Variants in CMTR2 observed in about 807,000 individuals in gnomAD.
CMTR2 encodes the protein cap methyltransferase 2.
In CMTR2, 40 loss-of-function variants were observed where a neutral mutation model predicts 49.8. That is an observed-to-expected ratio of 0.80 (90% CI 0.62 to 1.04). The LOEUF (loss-of-function observed/expected upper bound fraction) is 1.04. Among genes scored for constraint, CMTR2 ranks in the 50% least tolerant of loss-of-function variants. CMTR2 has a pLI of 0.00. For synonymous variants in CMTR2, 326 were observed against 315.8 expected (o/e 1.03, Z -0.34); for missense variants, 907 against 897.2 (o/e 1.01, Z -0.14).
Position 71,288,910 on chromosome 16 carries a change from T to G in CMTR2, c.-52A>C, listed in dbSNP as rs1343801283. ...CTGACACTTATAAAGGAGTTCCAAG[T>G]GCTTCCGCCAACTCCTCCTACCAGC... On this transcript the variant is annotated 5_prime_UTR_variant, in exon 2 of 3. Transcript: ENST00000434935. 1 of 152,258 alleles carries G rather than the reference T, an allele frequency of 6.6e-6. No individual in the cohort carries two copies. The highest frequency in any genetic ancestry group is 1.5e-5 in the Non-Finnish European group (1 of 68,074). The allele number at this position is 152,258 out of a possible 1,614,324, so 9.4% of individuals were successfully genotyped here.
Position 71,283,622 on chromosome 16 carries a change from G to C in CMTR2, c.2299C>G (p.Gln767Glu), listed in dbSNP as rs1237656705. ...REREEIINSL[Q>E]LQN ...AAAGCATATGTTCAGTTTTGTAACT[G>C]AAGGCTGTTGATAATTTCTTCTCTC... Residue 767 changes from glutamine (Q) to glutamate (E), a missense_variant, in exon 3 of 3, where the codon CAG becomes GAG. Gln to Glu is a conservative substitution (Grantham distance 29). Transcript: ENST00000434935. 11 of 1,610,892 alleles carry C rather than the reference G, an allele frequency of 6.8e-6. No homozygotes were observed. The highest frequency in any genetic ancestry group is 3.4e-5 in the Admixed American group (2 of 59,494).
chr16:71,284,597 TA>T lies in CMTR2; in HGVS notation c.1323del (p.Phe441LeufsTer10), dbSNP rs1188052376. 6.2e-7 allele frequency: 1 copy of T among 1,613,620 alleles called. No homozygotes were observed. The highest frequency in any genetic ancestry group is 2.2e-5 in the East Asian group (1 of 44,876). On this transcript the variant is annotated frameshift_variant, in exon 3 of 3. Transcript: ENST00000434935. LOFTEE classifies it high-confidence loss of function. ...TKWFGQRNKY[F>X]KTYNERKMLE... Reference sequence around the variant, plus strand: ...AGCATCTTCCTTTCATTATAAGTTTTAAAATATTTGTTCCTCTGCCCAAACC... The same window carrying T: ...AGCATCTTCCTTTCATTATAAGTTTTAAATATTTGTTCCTCTGCCCAAACC...
In CMTR2 at chr16:71,284,018, G is replaced by C. The variant is rs141839766; in HGVS notation, c.1903C>G (p.Arg635Gly). ...LFLDCLLHSL[R>G]ELHTGDVMIL... ...ATAACATCTCCTGTATGAAGCTCCC[G>C]CAATGAATGTAGAAGGCAGTCCAAA... Residue 635 changes from arginine (R) to glycine (G), a missense_variant, in exon 3 of 3, where the codon CGG becomes GGG. By Grantham distance (125) the Arg-to-Gly change is moderately radical. Transcript: ENST00000434935. The C allele has an allele frequency of 2.5e-6, 4 of 1,613,848 alleles. No homozygotes were observed. The highest frequency in any genetic ancestry group is 3.4e-6 in the Non-Finnish European group (4 of 1,179,788).
chr16:71,283,876 G>A lies in CMTR2; in HGVS notation c.2045C>T (p.Thr682Ile). The change falls in exon 3 of 3, where the codon ACC (threonine) becomes ATC (isoleucine). Residue 682 changes from threonine (T) to isoleucine (I), a missense_variant. By Grantham distance (89) the Thr-to-Ile change is moderately conservative. Transcript: ENST00000434935. ...ACCAACACATAGCAGGACTGCGCAGGTCCTCAGGGGATCAGAGGATGTGGG... is the reference window on the plus strand; with the variant it reads ...ACCAACACATAGCAGGACTGCGCAGATCCTCAGGGGATCAGAGGATGTGGG... ...VCPTSSDPLR[T>I]CAVLLCVGYQ... 1.2e-6 allele frequency: 2 copies of A among 1,613,274 alleles called. No individual in the cohort carries two copies. The highest frequency in any genetic ancestry group is 2.2e-5 in the South Asian group (2 of 91,076).
intron 2 of CMTR2, chr16:71,286,482 C>T (rs2041729842): frequency 6.6e-6 from 1 of 151,560 alleles, no homozygotes; most frequent in African/African-American, 2.4e-5. Flanking sequence ...ACTTTACCTC[C>T]TTCAGGGAGA....
In CMTR2 at chr16:71,284,684, GATGT is replaced by G. The variant is rs760232371; in HGVS notation, c.1233_1236del (p.Lys411AsnfsTer8). On this transcript the variant is annotated frameshift_variant, in exon 3 of 3. Transcript: ENST00000434935. LOFTEE classifies it high-confidence loss of function. ...TTTACTAGCCAATTATTTCTGGAAAGATGTTTCAGTTGAAATTTTTGCATAAAAT... is the reference window on the plus strand; with the variant it reads ...TTTACTAGCCAATTATTTCTGGAAAGTTCAGTTGAAATTTTTGCATAAAAT... 1 of 1,612,750 alleles carries G rather than the reference GATGT, an allele frequency of 6.2e-7. No homozygotes were observed.
At chr16:71,286,000 G>A (rs1259818524) in intron 2 of CMTR2, 61 bp from the exon 3 acceptor site, 3 of 1,241,752 alleles carry the variant, frequency 2.4e-6, no homozygotes, top group African/African-American at 1.5e-5. Context: ...AATCTCATGA[G>A]CAGCAAATAC....
Position 71,284,878 on chromosome 16 carries a change from G to T in CMTR2, c.1043C>A (p.Pro348His). ...GTEMKRKALFPHHVIPDSFLK... is the reference protein window; with the variant it reads ...GTEMKRKALFHHHVIPDSFLK... Reference sequence around the variant, plus strand: ...AAAAGAATCAGGAATCACATGATGGGGAAAAAGGGCTTTCCTTTTCATTTC... The same window carrying T: ...AAAAGAATCAGGAATCACATGATGGTGAAAAAGGGCTTTCCTTTTCATTTC... Residue 348 changes from proline to histidine, a missense_variant, in exon 3 of 3, where the codon CCC (proline) becomes CAC (histidine). Coordinates refer to ENST00000434935, the MANE Select transcript of CMTR2 (RefSeq NM_018348.6). The T allele has an allele frequency of 6.2e-7, 1 of 1,613,638 alleles. No homozygotes were observed. The highest frequency in any genetic ancestry group is 1.1e-5 in the South Asian group (1 of 90,964).
At position 71,283,564 on chromosome 16, in the gene CMTR2, C is replaced by G. The variant is rs763022581; in HGVS notation, c.*44G>C. On this transcript the variant is annotated 3_prime_UTR_variant, in exon 3 of 3. Transcript: ENST00000434935. The stretch of plus-strand genomic sequence containing the variant: ...AGAGCAACAGGATGCAAATACTGGG[C>G]AAATTATAAGAAATCATAAAGTTGA... 1.2e-5 allele frequency: 19 copies of G among 1,552,070 alleles called. No individual in the cohort carries two copies. Among genetic ancestry groups the G allele is most frequent in the African/African-American group, 4.1e-5 (3 of 72,368 alleles).
rs763071162 is a variant in CMTR2, at chr16:71,285,661, T to G, written c.260A>C (p.Glu87Ala). 4.3e-6 allele frequency: 7 copies of G among 1,613,732 alleles called. No individual in the cohort carries two copies. The South Asian group carries it at 7.7e-5, about 18-fold the overall frequency. Residue 87 changes from glutamate to alanine, a missense_variant, in exon 3 of 3, where the codon GAG becomes GCG. Glu to Ala is a moderately radical substitution (Grantham distance 107). Transcript: ENST00000434935. The part of the protein sequence containing the change: ...LSDKKLDEWH[E>A]HTAFTNKAGK... ...CGCTTTATTAGTGAAAGCAGTGTGC[T>G]CATGCCACTCATCCAGTTTCTTATC...
chr16:71,284,265 T>C lies in CMTR2; in HGVS notation c.1656A>G (p.Glu552=), dbSNP rs559476134. Residue 552 remains glutamate, a synonymous_variant, in exon 3 of 3, where the codon GAA becomes GAG. Coordinates refer to ENST00000434935, the MANE Select transcript of CMTR2 (RefSeq NM_018348.6). The part of the protein sequence containing the change: ...QYSCSCHVFS[E]ELIFSELCSL... ...TACACAACTCGGAAAATATCAGTTC[T>C]TCAGAAAAAACATGACAAGAACAAG... is the stretch of plus-strand genomic sequence containing the variant. 1 of 1,614,100 alleles carries C rather than the reference T, an allele frequency of 6.2e-7. No homozygotes were observed. Among genetic ancestry groups the C allele is most frequent in the African/African-American group, 1.3e-5 (1 of 75,046 alleles).
Position 71,285,647 on chromosome 16 carries a change from T to C in CMTR2, c.274A>G (p.Thr92Ala). The change falls in exon 3 of 3, where the codon ACT becomes GCT. Residue 92 changes from threonine to alanine, a missense_variant. Coordinates refer to ENST00000434935, the MANE Select transcript of CMTR2 (RefSeq NM_018348.6). Reference sequence around the variant, plus strand: ...GAAATGATTTTCCCCGCTTTATTAGTGAAAGCAGTGTGCTCATGCCACTCA... The same window carrying C: ...GAAATGATTTTCCCCGCTTTATTAGCGAAAGCAGTGTGCTCATGCCACTCA... The part of the protein sequence containing the change: ...LDEWHEHTAF[T>A]NKAGKIISHV... 1 of 1,613,828 alleles carries C rather than the reference T, an allele frequency of 6.2e-7. No individual in the cohort carries two copies. The highest frequency in any genetic ancestry group is 1.1e-5 in the South Asian group (1 of 91,046).
In CMTR2 at chr16:71,284,112, T is replaced by C. The variant is rs748040644; in HGVS notation, c.1809A>G (p.Glu603=). The change falls in exon 3 of 3, where the codon GAA becomes GAG. Residue 603 remains glutamate, a synonymous_variant. Coordinates refer to ENST00000434935, the MANE Select transcript of CMTR2 (RefSeq NM_018348.6). ...AGCTAAAAGTTGTGAGTTCAGCTGA[T>C]TCTAGGAGTCGAACTTCCAACGGTA... ...MHIPLEVRLL[E]SAELTTFSCS... is the part of the protein sequence containing the mutation. 6 of 1,614,078 alleles carry C rather than the reference T, an allele frequency of 3.7e-6. No individual in the cohort carries two copies. In the South Asian group the frequency reaches 6.6e-5, roughly 18 times the overall value.
rs1231132580 is a variant in CMTR2 at position 71,282,135 on chromosome 16, G to A, written c.*1473C>T. 2.0e-5 allele frequency: 3 copies of A among 151,838 alleles called. No homozygotes were observed. The East Asian group carries it at 5.8e-4, about 29-fold the overall frequency. 9.4% of individuals were successfully genotyped at this position (151,838 alleles called of 1,614,324 possible). On this transcript the variant is annotated 3_prime_UTR_variant, in exon 3 of 3. Transcript: ENST00000434935. ...GTATTCAATTTCTTTCCTGAAGTAG[G>A]CCTTCCATAAGTATTACAATATTAA... is the stretch of plus-strand genomic sequence containing the variant.
chr16:71,284,118 G>A lies in CMTR2; in HGVS notation c.1803C>T (p.Leu601=). The change falls in exon 3 of 3, where the codon CTC becomes CTT. Residue 601 remains leucine, a synonymous_variant. Transcript: ENST00000434935. ...AAGTTGTGAGTTCAGCTGATTCTAG[G>A]AGTCGAACTTCCAACGGTATATGCA... ...IKMHIPLEVR[L]LESAELTTFS... 1 of 1,614,018 alleles carries A rather than the reference G, an allele frequency of 6.2e-7. No homozygotes were observed. The highest frequency in any genetic ancestry group is 8.5e-7 in the Non-Finnish European group (1 of 1,179,912).
chr16:71,284,721 A>G lies in CMTR2; in HGVS notation c.1200T>C (p.Ala400=), dbSNP rs2041684186. The change falls in exon 3 of 3, where the codon GCT becomes GCC. Residue 400 remains alanine (A), a synonymous_variant. Transcript: ENST00000434935. ...QEKLNNLRDC[A]IQYFMQKFQL... ...GAAATTTTTGCATAAAATATTGTAT[A>G]GCACAATCCCTTAAATTATTCAGCT... The G allele has an allele frequency of 1.2e-6, 2 of 1,613,516 alleles. No homozygotes were observed. The highest frequency in any genetic ancestry group is 2.2e-5 in the East Asian group (1 of 44,870).
chr16:71,283,834 T>C lies in CMTR2; in HGVS notation c.2087A>G (p.Asn696Ser), dbSNP rs773154873. 7 of 1,613,852 alleles carry C rather than the reference T, an allele frequency of 4.3e-6. No individual in the cohort carries two copies. The South Asian group carries it at 7.7e-5, about 18-fold the overall frequency. ...ACTCTGCAAATATCGGAAAACTGGA[T>C]TTGGAAGGTCCTGATAACCAACACA... ...LLCVGYQDLP[N>S]PVFRYLQSVN... The change falls in exon 3 of 3, where the codon AAT becomes AGT. Residue 696 changes from asparagine (N) to serine (S), a missense_variant. By Grantham distance (46) the Asn-to-Ser change is conservative. Coordinates refer to ENST00000434935, the MANE Select transcript of CMTR2 (RefSeq NM_018348.6).
Position 71,284,249 on chromosome 16 carries a change from C to T in CMTR2, c.1672G>A (p.Glu558Lys), listed in dbSNP as rs200731984. The T allele has an allele frequency of 3.5e-5, 56 of 1,613,886 alleles. 1 individual carries two copies. The highest frequency in any genetic ancestry group is 6.6e-5 in the South Asian group (6 of 91,066). ...AGGCACTCAGTAAGGCTACACAACT[C>T]GGAAAATATCAGTTCTTCAGAAAAA... The part of the protein sequence containing the change: ...HVFSEELIFS[E>K]LCSLTECLQD... Residue 558 changes from glutamate (E) to lysine (K), a missense_variant, in exon 3 of 3, where the codon GAG becomes AAG. Transcript: ENST00000434935.
At position 71,285,824 on chromosome 16, in the gene CMTR2, T is replaced by C. The variant is rs1338697932; in HGVS notation, c.97A>G (p.Asn33Asp). Reference sequence around the variant, plus strand: ...TTAAGTGGCTTGCCATAAGAAAAGTTCTTGGCAAAGAGTTCAAAAATGTCA... The same window carrying C: ...TTAAGTGGCTTGCCATAAGAAAAGTCCTTGGCAAAGAGTTCAAAAATGTCA... ...LADIFELFAK[N>D]FSYGKPLNNE... Residue 33 changes from asparagine to aspartate, a missense_variant, in exon 3 of 3, where the codon AAC (asparagine) becomes GAC (aspartate). Transcript: ENST00000434935. 6.2e-7 allele frequency: 1 copy of C among 1,614,112 alleles called. No individual in the cohort carries two copies. The highest frequency in any genetic ancestry group is 8.5e-7 in the Non-Finnish European group (1 of 1,179,992).
Sources: gnomAD v4.1 joint callset for allele counts on GRCh38, gnomAD v4.1.1 for gene constraint, MANE v1.5 for transcripts, NCBI Gene and HGNC (gene_info 2026-07-23, HGNC 2026-07-21) for gene names.